The following ITFG1 variants were observed in gnomAD, a reference collection of about 807,000 sequenced individuals.
ITFG1 encodes the protein integrin alpha FG-GAP repeat containing 1, also known as T-cell immunomodulatory protein.
A neutral mutation model predicts 81.8 loss-of-function variants in ITFG1; 34 were observed. The observed-to-expected ratio is 0.42, with a 90% confidence interval of 0.32 to 0.55. ITFG1 has a LOEUF of 0.55. Among genes scored for constraint, ITFG1 ranks in the 20% least tolerant of loss-of-function variants. ITFG1 has a pLI of 0.17. For synonymous variants in ITFG1, 285 were observed against 270.6 expected, an observed-to-expected ratio of 1.05 and a Z score of -0.52; for missense variants, 672 against 755.4, an observed-to-expected ratio of 0.89 and a Z score of 1.29.
intron 12 of ITFG1, among the ~76,000 whole-genome samples, chr16:47,257,183 G>T (rs1485336166): frequency 6.6e-6 from 1 of 152,148 alleles, no homozygotes; most frequent in Admixed American, 6.5e-5. Flanking sequence ...ATAGGGATTA[G>T]AAAGAAAATT....
intron 8 of ITFG1, among the ~76,000 whole-genome samples, chr16:47,346,578 A>G (rs981077120): frequency 5.3e-5 from 8 of 152,226 alleles, no homozygotes; most frequent in Non-Finnish European, 1.2e-4. Flanking sequence ...GAGAAGAAGC[A>G]GGCATTATAA....
At chr16:47,273,678 C>T (rs1480404192) in intron 10 of ITFG1, among the ~76,000 whole-genome samples, 7 of 152,106 alleles carry the variant, frequency 4.6e-5, no homozygotes, top group Non-Finnish European at 1.0e-4. Flanking sequence ...AAAGGGAAAC[C>T]TAATGGAATA....
intron 6 of ITFG1, among the ~76,000 whole-genome samples, chr16:47,421,652 G>A (rs1027282294): frequency 2.0e-5 from 3 of 151,942 alleles, no homozygotes; most frequent in Admixed American, 6.6e-5. Flanking sequence ...TACAATCAAG[G>A]TTATATTTGA....
At chr16:47,446,498 A>G (rs1441055124) in intron 5 of ITFG1, among the ~76,000 whole-genome samples, 1 of 152,164 alleles carries the variant, frequency 6.6e-6, no homozygotes, top group Admixed American at 6.6e-5. Flanking sequence ...TGCAACAGTA[A>G]GACTACACCT....
intron 8 of ITFG1, among the ~76,000 whole-genome samples, chr16:47,353,533 A>G (rs1293002798): frequency 6.6e-6 from 1 of 152,190 alleles, no homozygotes; most frequent in Non-Finnish European, 1.5e-5. Flanking sequence ...TTAAAAAAAA[A>G]TTGGAAATCT....
intron 6 of ITFG1, among the ~76,000 whole-genome samples, chr16:47,386,151 A>G (rs1968458601): frequency 2.0e-5 from 3 of 152,242 alleles, no homozygotes; most frequent in Admixed American, 2.0e-4. Context: ...CCTGCTCTCC[A>G]GTAAAACAAG....
intron 8 of ITFG1, among the ~76,000 whole-genome samples, chr16:47,348,196 A>G (rs1268215123): frequency 6.6e-6 from 1 of 152,236 alleles, no homozygotes; most frequent in East Asian, 1.9e-4. Context: ...CAGCAACGGA[A>G]CAAAGCTGGA....
intron 10 of ITFG1, among the ~76,000 whole-genome samples, chr16:47,267,149 T>C (rs1008375551): frequency 4.6e-5 from 7 of 152,192 alleles, no homozygotes; most frequent in African/African-American, 1.4e-4. Context: ...CTAAAAACCA[T>C]TGAACTGTAT....
At chr16:47,256,106 G>A (rs1966136657) in intron 12 of ITFG1, among the ~76,000 whole-genome samples, 1 of 152,100 alleles carries the variant, frequency 6.6e-6, no homozygotes, top group South Asian at 2.1e-4. Flanking sequence ...TAGGACTACA[G>A]TCACGCGTCA....
At chr16:47,390,834 G>C (rs1255369639) in intron 6 of ITFG1, among the ~76,000 whole-genome samples, 1 of 151,922 alleles carries the variant, frequency 6.6e-6, no homozygotes, top group Non-Finnish European at 1.5e-5. Context: ...ACTGAAATAG[G>C]CTCATTTGCT....
At position 47,428,856 on chromosome 16, in the gene ITFG1, C is replaced by T; in HGVS notation, c.603G>A (p.Met201Ile). ...WHPALTTTSKMRIPHSHAFID... is the reference protein window; with the variant it reads ...WHPALTTTSKIRIPHSHAFID... Reference sequence around the variant, plus strand: ...TAAATGCATGAGAATGTGGAATTCGCATTTTACTTGTAGTGGTCAATGCTG... The same window carrying T: ...TAAATGCATGAGAATGTGGAATTCGTATTTTACTTGTAGTGGTCAATGCTG... The change falls in exon 6 of 18, where the codon ATG becomes ATA. Residue 201 changes from methionine to isoleucine, a missense_variant. Met to Ile is a conservative substitution (Grantham distance 10). Coordinates refer to ENST00000320640, the MANE Select transcript of ITFG1 (RefSeq NM_030790.5). 6.2e-7 allele frequency: 1 copy of T among 1,610,558 alleles called. No individual in the cohort carries two copies. Among genetic ancestry groups the T allele is most frequent in the South Asian group, 1.1e-5 (1 of 90,544 alleles).
chr16:47,182,805 C>T (rs1965146555), intron 14 of ITFG1, among the ~76,000 whole-genome samples: 1 of 152,210 alleles, frequency 6.6e-6, no homozygotes, highest in African/African-American at 2.4e-5. Flanking sequence ...TCTACAGCTC[C>T]CAGCGTGAGC....
intron 6 of ITFG1, among the ~76,000 whole-genome samples, chr16:47,403,761 T>TACAC (rs55978309): frequency 0.063 from 8,378 of 133,132 alleles, 279 homozygotes; most frequent in East Asian, 0.092. Flanking sequence ...TCTCTCTTGG[T>TACAC]ACACACACAC....
intron 16 of ITFG1, 21 bp downstream of exon 16, chr16:47,161,729 C>T (rs1268594256): frequency 1.1e-5 from 16 of 1,474,354 alleles, no homozygotes; most frequent in African/African-American, 2.8e-5. Context: ...TTTACCAAAT[C>T]GGTTCAAGCA....
chr16:47,306,690 G>A (rs1967164849), intron 10 of ITFG1, among the ~76,000 whole-genome samples: 1 of 151,446 alleles, frequency 6.6e-6, no homozygotes, highest in African/African-American at 2.4e-5. Context: ...AGGAAAAAAT[G>A]TAAAAATAAA....
chr16:47,214,797 C>T (rs571832774), intron 14 of ITFG1, among the ~76,000 whole-genome samples: 1 of 151,988 alleles, frequency 6.6e-6, no homozygotes, highest in Non-Finnish European at 1.5e-5. Flanking sequence ...ATAATTGGGC[C>T]AGGCCTTTAC....
intron 6 of ITFG1, among the ~76,000 whole-genome samples, chr16:47,409,399 TATATA>T (rs1375484329): frequency 1.1e-3 from 24 of 21,954 alleles, no homozygotes; most frequent in African/African-American, 3.0e-3. Context: ...TATATATATA[TATATA>T]TTTTTTTTTT....
intron 8 of ITFG1, among the ~76,000 whole-genome samples, chr16:47,343,312 A>T (rs543331626): frequency 2.3e-4 from 35 of 152,230 alleles, no homozygotes; most frequent in African/African-American, 8.4e-4. Context: ...TACTCATACC[A>T]TGTACAAAAA....
intron 10 of ITFG1, among the ~76,000 whole-genome samples, chr16:47,300,707 A>C (rs1035622866): frequency 7.2e-5 from 11 of 152,340 alleles, no homozygotes; most frequent in Admixed American, 6.5e-4. Flanking sequence ...AGATGGCTTA[A>C]AGAGTTTAAT....
Sources: gnomAD v4.1 joint callset for allele counts (sites outside exome capture counted in the v4.1 genomes callset) on GRCh38, gnomAD v4.1.1 for gene constraint, MANE v1.5 for transcripts, NCBI Gene and HGNC (gene_info 2026-07-23, HGNC 2026-07-21) for gene names.